Variants in BUB1B observed in about 807,000 individuals in gnomAD.
BUB1B encodes BUB1 mitotic checkpoint serine/threonine kinase B, also known as mitotic checkpoint serine/threonine-protein kinase BUB1 beta.
Under a neutral mutation model 137.7 loss-of-function variants are expected in BUB1B, and 86 were observed. That is an observed-to-expected ratio of 0.62 (90% CI 0.52 to 0.75). BUB1B has a LOEUF of 0.75. Ranked by LOEUF, BUB1B falls within the 30% of genes least tolerant of loss-of-function variation. BUB1B has a pLI of 0.00. For missense variants in BUB1B, 1,130 were observed against 1,236.9 expected (o/e 0.91, Z 1.30); for synonymous variants, 420 against 417.9 (o/e 1.00, Z -0.06).
chr15:40,219,834 A>G (rs1261923689), intron 22 of BUB1B, among the ~76,000 whole-genome samples: 2 of 152,136 alleles, frequency 1.3e-5, no homozygotes, highest in Admixed American at 1.3e-4. Context: ...TGAAGATTTA[A>G]TGCCCCTTCT....
intron 4 of BUB1B, 32 bp from the exon 5 acceptor site, chr15:40,176,445 A>G: frequency 6.2e-7 from 1 of 1,602,622 alleles, no homozygotes; most frequent in Non-Finnish European, 8.5e-7. Flanking sequence ...ACGTGAGTAG[A>G]AATTGGTTAA....
At chr15:40,186,430 C>CTTTTTTTTTTTTTTT (rs769074759) in intron 8 of BUB1B, among the ~76,000 whole-genome samples, 3 of 67,356 alleles carry the variant, frequency 4.5e-5, no homozygotes, top group African/African-American at 5.9e-5. Context: ...TTGCCTAGTT[C>CTTTTTTTTTTTTTTT]TTTTTTTTTT....
chr15:40,217,856 G>A (rs879779158), intron 21 of BUB1B, among the ~76,000 whole-genome samples, 189 bp downstream of exon 21: 4 of 152,134 alleles, frequency 2.6e-5, no homozygotes, highest in Admixed American at 2.0e-4. Flanking sequence ...ACACATACAT[G>A]TGCAAACACA....
At position 40,185,194 on chromosome 15, in the gene BUB1B, C is replaced by A; in HGVS notation, c.781C>A (p.Pro261Thr). Residue 261 changes from proline to threonine, a missense_variant, in exon 7 of 23, where the codon CCA becomes ACA. Physicochemically the swap from Pro to Thr is conservative, Grantham distance 38. Coordinates refer to ENST00000287598, the MANE Select transcript of BUB1B (RefSeq NM_001211.6). ...AAGCCAGAACAGAGGACTCCAAAAT[C>A]CATTTCCTCAACAGATGCAAAATAA... is the stretch of plus-strand genomic sequence containing the variant. The part of the protein sequence containing the change: ...APSQNRGLQN[P>T]FPQQMQNNSR... The A allele has an allele frequency of 6.2e-7, 1 of 1,614,098 alleles. No individual in the cohort carries two copies. The highest frequency in any genetic ancestry group is 1.3e-5 in the African/African-American group (1 of 75,010).
At chr15:40,186,903 C>CT (rs1038928374) in intron 8 of BUB1B, 3,277 of 143,816 alleles carry the variant, frequency 0.023, 86 homozygotes, top group East Asian at 0.066. Context: ...TATTTTTTTT[C>CT]TTTTTTTTTT....
chr15:40,188,017 CTT>C (rs1414569020), intron 8 of BUB1B, among the ~76,000 whole-genome samples: 1 of 152,140 alleles, frequency 6.6e-6, no homozygotes, highest in Non-Finnish European at 1.5e-5. Flanking sequence ...AGAAACATGA[CTT>C]ATGTTAAAAT....
intron 15 of BUB1B, 99 bp downstream of exon 15, chr15:40,206,557 C>T: frequency 6.9e-7 from 1 of 1,448,430 alleles, no homozygotes. Flanking sequence ...TTCTTACTAA[C>T]TGCCAGGTAC....
rs894732918 is a variant in BUB1B at position 40,176,397 on chromosome 15, A to G, written c.385-80A>G. 5 of 1,198,722 alleles carry G rather than the reference A, an allele frequency of 4.2e-6. No individual in the cohort carries two copies. In the African/African-American group the frequency reaches 4.5e-5, roughly 11 times the overall value. The allele number at this position is 1,198,722 out of a possible 1,614,324, so 74.3% of individuals were successfully genotyped here. On this transcript the variant is annotated intron_variant, in intron 4 of 22. Transcript: ENST00000287598. ...TTTCAATACAGGAATTGCATGTAGT[A>G]TCTCCAGTGATTGTTTGGCAACTAA...
intron 5 of BUB1B, among the ~76,000 whole-genome samples, chr15:40,182,675 A>G (rs2037308636): frequency 1.3e-5 from 2 of 152,192 alleles, no homozygotes; most frequent in South Asian, 4.1e-4. Context: ...ATGCCAATTC[A>G]CATACAGAAT....
chr15:40,209,896 A>T, intron 17 of BUB1B, 121 bp downstream of exon 17: 4 of 1,276,370 alleles, frequency 3.1e-6, no homozygotes, highest in Non-Finnish European at 4.5e-6. Context: ...TTAAAAAAGC[A>T]ATATAGAGGA....
Position 40,199,596 on chromosome 15 carries a change from G to A in BUB1B, c.1289-19G>A, listed in dbSNP as rs750618348. ...GTTACTATGAGGAATAATACCTCAA[G>A]CAACTTTACTGTTTCTAGCCGAGCT... On this transcript the variant is annotated intron_variant, in intron 9 of 22. Transcript: ENST00000287598. The A allele has an allele frequency of 1.9e-6, 3 of 1,604,778 alleles. No homozygotes were observed. The highest frequency in any genetic ancestry group is 2.2e-5 in the South Asian group (2 of 90,834).
intron 18 of BUB1B, among the ~76,000 whole-genome samples, chr15:40,211,366 CTG>C (rs2037707820): frequency 6.6e-6 from 1 of 151,990 alleles, no homozygotes; most frequent in African/African-American, 2.4e-5. Flanking sequence ...ATTGAAAGCT[CTG>C]TGTATATGGA....
At chr15:40,167,621 A>G (rs1380777356) in intron 2 of BUB1B, among the ~76,000 whole-genome samples, 4 of 152,112 alleles carry the variant, frequency 2.6e-5, no homozygotes, top group Non-Finnish European at 1.5e-5. Context: ...GATTACGGGC[A>G]TGAGCCACTG....
At chr15:40,212,796 T>C (rs1279873519) in intron 19 of BUB1B, 148 bp downstream of exon 19, 11 of 814,568 alleles carry the variant, frequency 1.4e-5, no homozygotes, top group South Asian at 3.5e-5. Context: ...ATTTTCTCGT[T>C]ATTTTGACCA....
Position 40,210,171 on chromosome 15 carries a change from G to T in BUB1B, c.2346G>T (p.Trp782Cys). The T allele has an allele frequency of 6.2e-7, 1 of 1,612,252 alleles. No homozygotes were observed. The highest frequency in any genetic ancestry group is 8.5e-7 in the Non-Finnish European group (1 of 1,178,600). The change falls in exon 18 of 23, where the codon TGG (tryptophan) becomes TGT (cysteine). Residue 782 changes from tryptophan to cysteine, a missense_variant. Physicochemically the swap from Trp to Cys is radical, Grantham distance 215. Coordinates refer to ENST00000287598, the MANE Select transcript of BUB1B (RefSeq NM_001211.6). ...TATGTGAAGATTACAAGTTATTCTG[G>T]GTGGCGCCAAGAAACTCTGCAGAAT... ...YLICEDYKLF[W>C]VAPRNSAELT...
chr15:40,212,251 A>C (rs931518701), intron 18 of BUB1B, among the ~76,000 whole-genome samples: 1 of 152,204 alleles, frequency 6.6e-6, no homozygotes, highest in Admixed American at 6.5e-5. Flanking sequence ...TTGTAGTGTA[A>C]ATGTAGCTCA....
In BUB1B at chr15:40,213,484, T is replaced by C. The variant is rs1263229854; in HGVS notation, c.2678+10T>C. 6.8e-6 allele frequency: 11 copies of C among 1,613,794 alleles called. No homozygotes were observed. The highest frequency in any genetic ancestry group is 9.3e-6 in the Non-Finnish European group (11 of 1,179,946). On this transcript the variant is annotated intron_variant, in intron 20 of 22. Coordinates refer to ENST00000287598, the MANE Select transcript of BUB1B (RefSeq NM_001211.6). ...TGATTCTCAGAAACAGGTTGGTCCT[T>C]TTCATTCTTATAATTCTGCCAGCTG...
chr15:40,165,010 G>A (rs368835355), intron 1 of BUB1B, 43 bp from the exon 2 acceptor site: 37 of 1,612,682 alleles, frequency 2.3e-5, no homozygotes, highest in Middle Eastern at 1.7e-4. Flanking sequence ...TGCTATAATA[G>A]TCAATGTTGG....
Position 40,213,435 on chromosome 15 carries a change from A to C in BUB1B, c.2639A>C (p.His880Pro). The C allele has an allele frequency of 6.2e-7, 1 of 1,614,222 alleles. No homozygotes were observed. Reference sequence around the variant, plus strand: ...ATGCTACACAAAGCAGAAATAGTCCATGGTGACTTGAGTCCAAGGTGTCTG... The same window carrying C: ...ATGCTACACAAAGCAGAAATAGTCCCTGGTGACTTGAGTCCAAGGTGTCTG... Reference protein sequence around the residue: ...VEMLHKAEIVHGDLSPRCLIL... With the variant: ...VEMLHKAEIVPGDLSPRCLIL... Residue 880 changes from histidine (H) to proline (P), a missense_variant, in exon 20 of 23, where the codon CAT becomes CCT. Coordinates refer to ENST00000287598, the MANE Select transcript of BUB1B (RefSeq NM_001211.6).
Sources: allele counts gnomAD v4.1 joint callset (sites outside exome capture counted in the v4.1 genomes callset), GRCh38; gene constraint gnomAD v4.1.1; transcripts MANE v1.5; gene names NCBI Gene and HGNC (gene_info 2026-07-23, HGNC 2026-07-21).